The following FNDC1 variants were observed in gnomAD, a reference collection of about 807,000 sequenced individuals.
FNDC1 encodes the protein fibronectin type III domain-containing protein 1.
A neutral mutation model predicts 168.0 loss-of-function variants in FNDC1; 96 were observed. That is an observed-to-expected ratio of 0.57 (90% confidence interval 0.48 to 0.68). FNDC1 has a LOEUF of 0.68. Among genes scored for constraint, FNDC1 ranks in the 30% least tolerant of loss-of-function variants. The pLI is 0.00. For missense variants in FNDC1, 2,587 were observed against 2,482.1 expected (o/e 1.04, Z -0.90); for synonymous variants, 1,099 against 1,025.9 (o/e 1.07, Z -1.36).
intron 7 of FNDC1, among the ~76,000 whole-genome samples, chr6:159,224,476 A>G (rs1357929358): frequency 2.0e-5 from 3 of 152,350 alleles, no homozygotes; most frequent in South Asian, 4.1e-4. Flanking sequence ...ATATGATGAC[A>G]TTATATATAT....
chr6:159,226,389 T>C, intron 8 of FNDC1, 84 bp from the exon 9 acceptor site: 1 of 1,031,406 alleles, frequency 9.7e-7, no homozygotes. Flanking sequence ...TTTAAAAAAA[T>C]GTGTACCTAG....
intron 1 of FNDC1, among the ~76,000 whole-genome samples, chr6:159,173,132 C>G (rs1183507477): frequency 6.6e-6 from 1 of 152,188 alleles, no homozygotes; most frequent in East Asian, 1.9e-4. Flanking sequence ...TCCTTGGCAT[C>G]CTCGTAAATT....
chr6:159,205,440 G>A (rs1371956035), intron 4 of FNDC1, among the ~76,000 whole-genome samples: 2 of 152,186 alleles, frequency 1.3e-5, no homozygotes, highest in Admixed American at 6.5e-5. Flanking sequence ...TGAGATGGCT[G>A]TCTCTCCAAT....
chr6:159,169,619 C>A lies in FNDC1; in HGVS notation c.23C>A (p.Thr8Asn). The A allele has an allele frequency of 8.8e-7, 1 of 1,135,460 alleles. No individual in the cohort carries two copies. Among genetic ancestry groups the A allele is most frequent in the Non-Finnish European group, 1.1e-6 (1 of 927,258 alleles). 70.3% of individuals were successfully genotyped at this position (1,135,460 alleles called of 1,614,324 possible). A position where few individuals can be genotyped will look rare whatever the true frequency, so the allele number is the denominator to read the frequency against. The part of the protein sequence containing the change: MAPEAGA[T>N]LRAPRRLSWA... ...TCGATGGCCCCCGAGGCCGGGGCGA[C>A]CCTGCGCGCGCCGCGCCGGCTGTCC... The change falls in exon 1 of 23, where the codon ACC (threonine) becomes AAC (asparagine). Residue 8 changes from threonine (T) to asparagine (N), a missense_variant. Thr to Asn is a moderately conservative substitution (Grantham distance 65). Transcript: ENST00000297267. The surrounding 1 kb of genome is among the most constrained non-coding windows in gnomAD (Gnocchi z 6.8).
intron 22 of FNDC1, among the ~76,000 whole-genome samples, chr6:159,269,264 CTATCT>C (rs1158223323): frequency 2.5e-5 from 2 of 80,678 alleles, no homozygotes; most frequent in Admixed American, 1.6e-4. Context: ...TATCATCTAT[CTATCT>C]ATCTATCTAT....
chr6:159,215,610 A>G (rs192434505), intron 5 of FNDC1, among the ~76,000 whole-genome samples: 138 of 152,320 alleles, frequency 9.1e-4, no homozygotes, highest in African/African-American at 3.2e-3. Context: ...TGGAATACAC[A>G]CACATATATA....
chr6:159,265,232 C>T (rs955562986), intron 20 of FNDC1, among the ~76,000 whole-genome samples: 1 of 152,176 alleles, frequency 6.6e-6, no homozygotes, highest in Admixed American at 6.5e-5. Flanking sequence ...TGAAAAAACA[C>T]TATGGAGTAG....
At chr6:159,195,887 C>T (rs1293700474) in intron 1 of FNDC1, among the ~76,000 whole-genome samples, 3 of 152,150 alleles carry the variant, frequency 2.0e-5, no homozygotes, top group African/African-American at 7.2e-5. Flanking sequence ...TATGTATATT[C>T]ATTCATTTAT....
intron 7 of FNDC1, 27 bp from the exon 8 acceptor site, chr6:159,225,508 A>G (rs369985896): frequency 3.7e-5 from 57 of 1,559,732 alleles, no homozygotes; most frequent in Non-Finnish European, 4.9e-5. Flanking sequence ...GAATTTGGAC[A>G]GATCATTGTG....
In FNDC1 at chr6:159,236,352, A is replaced by C. The variant is rs573619879; in HGVS notation, c.4068+37A>C. ...TTCTTTACACATCCCCGTTGTTTTC[A>C]TGCTGTTGAGAAGAGAAAAATGGTG... is the stretch of plus-strand genomic sequence containing the variant. On this transcript the variant is annotated intron_variant, in intron 12 of 22. Transcript: ENST00000297267. 49 of 1,434,012 alleles carry C rather than the reference A, an allele frequency of 3.4e-5. No individual in the cohort carries two copies. In the Admixed American group the frequency reaches 4.7e-4, roughly 14 times the overall value. The allele number at this position is 1,434,012 out of a possible 1,614,324, so 88.8% of individuals were successfully genotyped here.
Position 159,215,409 on chromosome 6 carries a change from G to A in FNDC1, c.667+258G>A, listed in dbSNP as rs75913891. On this transcript the variant is annotated intron_variant, in intron 5 of 22. Transcript: ENST00000297267. ...TGATCCGACAGCACAGACTCCTTGA[G>A]TCAGGCCATTTTCCTGGACTTGAGA... Among the ~76,000 whole-genome samples, 1,335 of 152,328 alleles carry A rather than the reference G, an allele frequency of 8.8e-3. 20 individuals carry two copies. Among genetic ancestry groups the A allele is most frequent in the African/African-American group, 0.031 (1,276 of 41,568 alleles).
intron 1 of FNDC1, among the ~76,000 whole-genome samples, chr6:159,195,612 C>G (rs1161038632): frequency 6.6e-6 from 1 of 152,132 alleles, no homozygotes; most frequent in Non-Finnish European, 1.5e-5. Flanking sequence ...CTGTGTGACT[C>G]AGCACAGAAA....
chr6:159,173,205 G>A (rs1331509770), intron 1 of FNDC1, among the ~76,000 whole-genome samples: 2 of 152,202 alleles, frequency 1.3e-5, no homozygotes, highest in Non-Finnish European at 2.9e-5. Flanking sequence ...ACGGAGGGAA[G>A]TAGGTTAAAA....
At chr6:159,225,485 G>A (rs751816105) in intron 7 of FNDC1, 50 bp from the exon 8 acceptor site, 4 of 1,461,396 alleles carry the variant, frequency 2.7e-6, no homozygotes, top group African/African-American at 2.8e-5. Flanking sequence ...GGCATCTAGT[G>A]TTGAGTGGCA....
At chr6:159,217,331 G>A (rs1782730116) in intron 5 of FNDC1, among the ~76,000 whole-genome samples, 1 of 152,226 alleles carries the variant, frequency 6.6e-6, no homozygotes, top group Non-Finnish European at 1.5e-5. Flanking sequence ...CACACTCCTA[G>A]GCGCTCTGAG....
In FNDC1 at chr6:159,223,778, G is replaced by A. The variant is rs1439932216; in HGVS notation, c.884+133G>A. On this transcript the variant is annotated intron_variant, in intron 7 of 22. Coordinates refer to ENST00000297267, the MANE Select transcript of FNDC1 (RefSeq NM_032532.3). ...CTCTTTTGTAGCTGAATAGCTGAATGGTAAATATTCTATGACAATCTAGTT... is the reference window on the plus strand; with the variant it reads ...CTCTTTTGTAGCTGAATAGCTGAATAGTAAATATTCTATGACAATCTAGTT... 2.5e-5 allele frequency: 15 copies of A among 609,706 alleles called. No homozygotes were observed. The East Asian group carries it at 3.7e-4, about 15-fold the overall frequency. 37.8% of individuals were successfully genotyped at this position (609,706 alleles called of 1,614,324 possible). A position where few individuals can be genotyped will look rare whatever the true frequency, so the allele number is the denominator to read the frequency against.
intron 4 of FNDC1, among the ~76,000 whole-genome samples, chr6:159,202,004 G>A (rs574218370): frequency 4.6e-5 from 7 of 152,284 alleles, no homozygotes; most frequent in African/African-American, 1.4e-4. Context: ...AAACCCTGGG[G>A]ACCAGGGATC....
intron 22 of FNDC1, among the ~76,000 whole-genome samples, chr6:159,268,886 T>G (rs1264793010): frequency 6.6e-6 from 1 of 151,202 alleles, no homozygotes; most frequent in Non-Finnish European, 1.5e-5. Context: ...TCCTTATATT[T>G]ATAACTATCT....
chr6:159,235,060 C>A (rs889919556), intron 11 of FNDC1, among the ~76,000 whole-genome samples: 1 of 152,216 alleles, frequency 6.6e-6, no homozygotes, highest in African/African-American at 2.4e-5. Flanking sequence ...ATGAATTGCT[C>A]AGACAGTGCA....
Sources: allele counts gnomAD v4.1 joint callset (sites outside exome capture counted in the v4.1 genomes callset), GRCh38; gene constraint gnomAD v4.1.1; non-coding constraint Gnocchi (gnomAD v3.1); transcripts MANE v1.5; gene names NCBI Gene and HGNC (gene_info 2026-07-23, HGNC 2026-07-21).